Variants in ACAP2 observed in about 807,000 individuals in gnomAD.
The protein encoded by ACAP2 is ArfGAP with coiled-coil, ankyrin repeat and PH domains 2.
ACAP2 carries 39 observed loss-of-function variants against 115.8 expected under a neutral mutation model. The ratio of observed to expected loss-of-function variants is 0.34; its 90% confidence interval spans 0.26 to 0.44. The LOEUF (loss-of-function observed/expected upper bound fraction) is 0.44, where lower values mean the gene tolerates loss of function less well. Ranked by LOEUF, ACAP2 falls within the 20% of genes least tolerant of loss-of-function variation. ACAP2 has a pLI of 1.00. For synonymous variants in ACAP2, 289 were observed against 315.8 expected, an observed-to-expected ratio of 0.92 and a Z score of 0.90; for missense variants, 662 against 927.6, an observed-to-expected ratio of 0.71 and a Z score of 3.72.
intron 1 of ACAP2, among the ~76,000 whole-genome samples, chr3:195,397,666 A>G (rs1711916117): frequency 6.6e-6 from 1 of 152,122 alleles, no homozygotes; most frequent in South Asian, 2.1e-4. Context: ...TTAGCTGTGT[A>G]ATGATGAACA....
At chr3:195,365,029 A>G (rs2108708316) in intron 4 of ACAP2, among the ~76,000 whole-genome samples, 1 of 152,348 alleles carries the variant, frequency 6.6e-6, no homozygotes, top group South Asian at 2.1e-4. Context: ...CCAGGCACAG[A>G]AAGATAAACC....
intron 21 of ACAP2, 133 bp downstream of exon 21, chr3:195,288,988 C>A: frequency 1.7e-6 from 1 of 596,492 alleles, no homozygotes; most frequent in African/African-American, 1.9e-5. Flanking sequence ...AAATACATAC[C>A]ATTTTATATA....
intron 1 of ACAP2, among the ~76,000 whole-genome samples, chr3:195,402,849 T>C (rs1048450239): frequency 1.3e-5 from 2 of 151,828 alleles, no homozygotes; most frequent in Non-Finnish European, 2.9e-5. Flanking sequence ...AATGAAAAAA[T>C]TTCCCTTTTC....
At chr3:195,364,388 G>C (rs1173479481) in intron 4 of ACAP2, among the ~76,000 whole-genome samples, 1 of 152,080 alleles carries the variant, frequency 6.6e-6, no homozygotes, top group Non-Finnish European at 1.5e-5. Flanking sequence ...ACTACAATGA[G>C]ATTATTTCAC....
chr3:195,418,340 A>G (rs1292667924), intron 1 of ACAP2, among the ~76,000 whole-genome samples: 1 of 152,188 alleles, frequency 6.6e-6, no homozygotes, highest in Non-Finnish European at 1.5e-5. Flanking sequence ...TAATCCCAAT[A>G]TGACAAGCTA....
chr3:195,375,161 C>T (rs1366986696), intron 4 of ACAP2, among the ~76,000 whole-genome samples: 1 of 151,694 alleles, frequency 6.6e-6, no homozygotes, highest in Non-Finnish European at 1.5e-5. Context: ...CACTGCACTC[C>T]AGCCTGGGTG....
chr3:195,300,669 A>G (rs565087010), intron 15 of ACAP2, among the ~76,000 whole-genome samples: 1 of 152,280 alleles, frequency 6.6e-6, no homozygotes, highest in East Asian at 1.9e-4. Flanking sequence ...ATAGCAATAG[A>G]CCTCTTATAT....
At chr3:195,325,388 A>AC (rs1729717226) in intron 9 of ACAP2, 10 of 404,022 alleles carry the variant, frequency 2.5e-5, no homozygotes, top group East Asian at 1.5e-4. Context: ...CAGGAGACAT[A>AC]CTTTCCCTTA....
Position 195,339,537 on chromosome 3 carries a change from GA to G in ACAP2, c.529-2562del, listed in dbSNP as rs1248538660. ...TTATATAGCATTTAAATTATTGGAG[GA>G]AAAAAGTAAACTCAAATATTTAGAG... On this transcript the variant is annotated intron_variant, in intron 6 of 22. Coordinates refer to ENST00000326793, the MANE Select transcript of ACAP2 (RefSeq NM_012287.6). Among the ~76,000 whole-genome samples, 14 of 148,710 alleles carry G rather than the reference GA, an allele frequency of 9.4e-5. No individual in the cohort carries two copies. The East Asian group carries it at 2.3e-3, about 25-fold the overall frequency.
chr3:195,299,804 C>CT (rs1208993616), intron 15 of ACAP2, among the ~76,000 whole-genome samples: 1 of 152,030 alleles, frequency 6.6e-6, no homozygotes, highest in African/African-American at 2.4e-5. Flanking sequence ...CGCCACTGCA[C>CT]TCCAGCTTGG....
At chr3:195,434,286 G>A (rs1349712056) in intron 1 of ACAP2, among the ~76,000 whole-genome samples, 1 of 152,008 alleles carries the variant, frequency 6.6e-6, no homozygotes, top group Non-Finnish European at 1.5e-5. Flanking sequence ...AGGCTGGAGT[G>A]CAGTGGCGCA....
chr3:195,276,692 T>C lies in ACAP2; in HGVS notation c.*2636A>G, dbSNP rs1726199075. 2 of 152,218 alleles carry C rather than the reference T, an allele frequency of 1.3e-5. No individual in the cohort carries two copies. The highest frequency in any genetic ancestry group is 2.9e-5 in the Non-Finnish European group (2 of 68,026). The allele number at this position is 152,218 out of a possible 1,614,324, so 9.4% of individuals were successfully genotyped here. On this transcript the variant is annotated 3_prime_UTR_variant, in exon 23 of 23. Transcript: ENST00000326793. ...AGATTTCTTATAATGCACTGAATAA[T>C]TCACAGCATAACATAATTCAGATTT...
chr3:195,426,283 A>C (rs1005127857), intron 1 of ACAP2, among the ~76,000 whole-genome samples: 1 of 152,130 alleles, frequency 6.6e-6, no homozygotes, highest in Non-Finnish European at 1.5e-5. Flanking sequence ...CCATGACTCC[A>C]GTGGTCAAAC....
intron 1 of ACAP2, among the ~76,000 whole-genome samples, chr3:195,411,506 C>T (rs994175323): frequency 1.3e-5 from 2 of 151,942 alleles, no homozygotes; most frequent in African/African-American, 2.4e-5. Context: ...ATGGTCAAGA[C>T]GATAAGTTTT....
intron 17 of ACAP2, chr3:195,295,227 G>C (rs1016508606): frequency 1.5e-6 from 2 of 1,291,298 alleles, no homozygotes; most frequent in Admixed American, 4.6e-5. Flanking sequence ...TATCAAAGTA[G>C]GAGAAGAGTG....
intron 1 of ACAP2, among the ~76,000 whole-genome samples, chr3:195,407,756 C>A (rs1336507162): frequency 2.6e-5 from 4 of 151,882 alleles, no homozygotes. Context: ...ACTTAAGGAA[C>A]CAGAAAGAGA....
intron 17 of ACAP2, 114 bp from the exon 18 acceptor site, chr3:195,294,925 C>A: frequency 1.7e-6 from 1 of 588,622 alleles, no homozygotes. Flanking sequence ...TCAGGCACCA[C>A]AAGGAGAATG....
At chr3:195,387,201 C>T (rs571105726) in intron 2 of ACAP2, among the ~76,000 whole-genome samples, 6 of 152,256 alleles carry the variant, frequency 3.9e-5, no homozygotes, top group African/African-American at 1.2e-4. Flanking sequence ...GAGATTCTAA[C>T]TGAATAATAT....
intron 1 of ACAP2, among the ~76,000 whole-genome samples, chr3:195,401,568 G>A (rs1046349090): frequency 6.6e-6 from 1 of 152,188 alleles, no homozygotes; most frequent in African/African-American, 2.4e-5. Context: ...ACCGGTTGCT[G>A]AGGCAGGAGG....
Sources: allele counts gnomAD v4.1 joint callset (sites outside exome capture counted in the v4.1 genomes callset), GRCh38; gene constraint gnomAD v4.1.1; transcripts MANE v1.5; gene names NCBI Gene and HGNC (gene_info 2026-07-23, HGNC 2026-07-21).